Variants in ZNF541 observed in about 807,000 individuals in gnomAD.
The protein encoded by ZNF541 is zinc finger protein 541.
ZNF541 carries 23 observed loss-of-function variants against 123.5 expected under a neutral mutation model. The observed-to-expected ratio is 0.19, with a 90% CI of 0.13 to 0.26. The LOEUF is 0.26. Ranked by LOEUF, ZNF541 falls within the 10% of genes least tolerant of loss-of-function variation. The pLI is 1.00. For missense variants in ZNF541, 1,612 were observed against 1,789.9 expected (o/e 0.90, Z 1.79); for synonymous variants, 751 against 754.5 (o/e 1.00, Z 0.08).
intron 10 of ZNF541, among the ~76,000 whole-genome samples, 191 bp downstream of exon 10, chr19:47,532,718 A>G (rs754254755): frequency 2.0e-5 from 3 of 152,082 alleles, no homozygotes; most frequent in Non-Finnish European, 2.9e-5. Flanking sequence ...TCATATATAT[A>G]TATATATTTG....
At chr19:47,572,485 C>A (rs1482393861) in intron 1 of ZNF541, among the ~76,000 whole-genome samples, 3 of 151,928 alleles carry the variant, frequency 2.0e-5, no homozygotes, top group Non-Finnish European at 4.4e-5. Context: ...TGAAAAAAAA[C>A]TGGGTTAATT....
chr19:47,565,013 T>C (rs1971207819), intron 2 of ZNF541, among the ~76,000 whole-genome samples: 1 of 152,130 alleles, frequency 6.6e-6, no homozygotes, highest in Non-Finnish European at 1.5e-5. Context: ...GCAACCTGGA[T>C]TGAACTGGAG....
intron 9 of ZNF541, among the ~76,000 whole-genome samples, chr19:47,534,898 C>T (rs1969746014): frequency 1.3e-5 from 2 of 152,068 alleles, no homozygotes; most frequent in Admixed American, 6.6e-5. Context: ...GAATTTGGAC[C>T]TTTACCTCAT....
intron 7 of ZNF541, 49 bp downstream of exon 7, chr19:47,540,127 G>A: frequency 6.6e-7 from 1 of 1,524,946 alleles, no homozygotes; most frequent in Non-Finnish European, 8.8e-7. Context: ...CTCCCCACAG[G>A]CCTGCCAGAA....
chr19:47,528,359 C>CCAG (rs1969406624), intron 14 of ZNF541, among the ~76,000 whole-genome samples: 1 of 151,230 alleles, frequency 6.6e-6, no homozygotes, highest in Non-Finnish European at 1.5e-5. Flanking sequence ...ACTCTGTTGC[C>CCAG]CAGCCTGGAG....
At chr19:47,526,200 G>A (rs1223036257) in intron 14 of ZNF541, among the ~76,000 whole-genome samples, 1 of 152,052 alleles carries the variant, frequency 6.6e-6, no homozygotes, top group Admixed American at 6.5e-5. Flanking sequence ...AAACACAGCC[G>A]GCTGGGCGCG....
chr19:47,528,893 T>C (rs1969433387), intron 14 of ZNF541, 57 bp downstream of exon 14: 16 of 1,434,212 alleles, frequency 1.1e-5, no homozygotes. Context: ...CCTGCAGCTC[T>C]AGCTTGTCTC....
intron 3 of ZNF541, among the ~76,000 whole-genome samples, chr19:47,552,420 C>T (rs1447353548): frequency 6.6e-6 from 1 of 152,074 alleles, no homozygotes; most frequent in Admixed American, 6.6e-5. Context: ...TCTTTGTCCT[C>T]TGAGAAATTA....
At chr19:47,524,132 G>A (rs945991217) in intron 14 of ZNF541, among the ~76,000 whole-genome samples, 10 of 152,170 alleles carry the variant, frequency 6.6e-5, no homozygotes, top group African/African-American at 2.2e-4. Flanking sequence ...AGCTATGCTG[G>A]TCCCATCTAA....
At chr19:47,530,398 G>A (rs1969512373) in intron 12 of ZNF541, among the ~76,000 whole-genome samples, 1 of 147,956 alleles carries the variant, frequency 6.8e-6, no homozygotes, top group African/African-American at 2.5e-5. Context: ...TAGCCAGGCT[G>A]GTCTCGAACT....
At chr19:47,548,068 G>A (rs1970431583) in intron 4 of ZNF541, among the ~76,000 whole-genome samples, 2 of 142,142 alleles carry the variant, frequency 1.4e-5, no homozygotes, top group Admixed American at 7.2e-5. Flanking sequence ...TTTTGCTCCT[G>A]ACACTTTTTA....
At chr19:47,538,807 CA>C (rs1969947250) in intron 8 of ZNF541, among the ~76,000 whole-genome samples, 1 of 152,188 alleles carries the variant, frequency 6.6e-6, no homozygotes, top group African/African-American at 2.4e-5. Flanking sequence ...GCCACTGACT[CA>C]GGGGACCTTC....
intron 14 of ZNF541, among the ~76,000 whole-genome samples, chr19:47,526,514 T>G (rs973195143): frequency 3.8e-5 from 5 of 130,768 alleles, no homozygotes; most frequent in African/African-American, 1.6e-4. Context: ...AACACAGACA[T>G]CTCAATAAAA....
At chr19:47,552,234 G>C (rs941124687) in intron 3 of ZNF541, among the ~76,000 whole-genome samples, 1 of 152,094 alleles carries the variant, frequency 6.6e-6, no homozygotes, top group Non-Finnish European at 1.5e-5. Context: ...AATGGGCCAG[G>C]GCATGGGAAG....
At chr19:47,564,594 A>G (rs1426797190) in intron 2 of ZNF541, among the ~76,000 whole-genome samples, 3 of 152,234 alleles carry the variant, frequency 2.0e-5, no homozygotes, top group Non-Finnish European at 4.4e-5. Flanking sequence ...AATGCAAATC[A>G]GAACCACAAT....
chr19:47,546,057 C>A, intron 4 of ZNF541, 77 bp from the exon 5 acceptor site: 1 of 1,315,642 alleles, frequency 7.6e-7, no homozygotes, highest in South Asian at 1.7e-5. Flanking sequence ...TGGTGGCCCC[C>A]AAAAGTCTGT....
chr19:47,532,134 C>G lies in ZNF541; in HGVS notation c.3295G>C (p.Asp1099His). The change falls in exon 11 of 17, where the codon GAT (aspartate) becomes CAT (histidine). Residue 1099 changes from aspartate to histidine, a missense_variant. This residue lies in a region of ZNF541 where 285 missense variants were observed against 407.3 expected (regional missense o/e 0.70). Coordinates refer to ENST00000391901, the MANE Select transcript of ZNF541 (RefSeq NM_001277075.3). ...GCCCCAAAGCCTCAGCCACCTCTATCCTGTGTCTCTGAGCTGATCATCATA... is the reference window on the plus strand; with the variant it reads ...GCCCCAAAGCCTCAGCCACCTCTATGCTGTGTCTCTGAGCTGATCATCATA... ...GDMMISSETQ[D>H]RVTELCNVAC... 1 of 1,551,710 alleles carries G rather than the reference C, an allele frequency of 6.4e-7. No individual in the cohort carries two copies. The highest frequency in any genetic ancestry group is 8.7e-7 in the Non-Finnish European group (1 of 1,146,990).
chr19:47,551,527 A>G (rs1970600194), intron 3 of ZNF541, among the ~76,000 whole-genome samples: 1 of 151,966 alleles, frequency 6.6e-6, no homozygotes, highest in South Asian at 2.1e-4. Flanking sequence ...GCACACCACC[A>G]TGCCCAGCTA....
intron 2 of ZNF541, among the ~76,000 whole-genome samples, chr19:47,562,105 T>G (rs1263770508): frequency 6.6e-6 from 1 of 151,964 alleles, no homozygotes; most frequent in Non-Finnish European, 1.5e-5. Flanking sequence ...AAAAATTAGC[T>G]GGCTGTGGTG....
Sources: allele counts gnomAD v4.1 joint callset (sites outside exome capture counted in the v4.1 genomes callset), GRCh38; gene constraint gnomAD v4.1.1; regional missense constraint gnomAD v4.1.1; transcripts MANE v1.5; gene names NCBI Gene and HGNC (gene_info 2026-07-23, HGNC 2026-07-21).